Variants in TENM3 observed in about 807,000 individuals in gnomAD.
The protein encoded by TENM3 is teneurin transmembrane protein 3.
In TENM3, 63 loss-of-function variants were observed where a neutral mutation model predicts 255.1. That is an observed-to-expected ratio of 0.25 (90% CI 0.20 to 0.30). TENM3 has a LOEUF of 0.30. Among genes scored for constraint, TENM3 ranks in the 10% least tolerant of loss-of-function variants. The pLI, the probability that TENM3 is intolerant of heterozygous loss-of-function variation, is 1.00. For synonymous variants in TENM3, 1,306 were observed against 1,322.3 expected (o/e 0.99, Z 0.27); for missense variants, 2,929 against 3,461.1 (o/e 0.85, Z 3.86).
chr4:182,218,915 T>C (rs2149946521), intron 1 of TENM3, among the ~76,000 whole-genome samples: 2 of 152,330 alleles, frequency 1.3e-5, no homozygotes, highest in East Asian at 3.9e-4. Flanking sequence ...ATTAAATCCC[T>C]GGAGTTTCTT....
At chr4:182,286,209 G>A (rs1760719535) in intron 1 of TENM3, among the ~76,000 whole-genome samples, 1 of 152,220 alleles carries the variant, frequency 6.6e-6, no homozygotes, top group Non-Finnish European at 1.5e-5. Context: ...ACAACCTGGT[G>A]ATTCATGAAG....
the TENM3 span, among the ~76,000 whole-genome samples, chr4:181,591,063 C>A: frequency 6.6e-6 from 1 of 152,198 alleles, no homozygotes; most frequent in South Asian, 2.1e-4. Context: ...TCTTATGCAA[C>A]CTTTGGTTAA....
the TENM3 span, among the ~76,000 whole-genome samples, chr4:181,797,322 A>C: frequency 6.6e-6 from 1 of 152,068 alleles, no homozygotes; most frequent in African/African-American, 2.4e-5. Flanking sequence ...ATAATGGTGA[A>C]AGGGACACCT....
At chr4:182,161,588 A>AATATATATATACACATATATATATGT (rs1561152289) in intron 1 of TENM3, among the ~76,000 whole-genome samples, 5 of 123,076 alleles carry the variant, frequency 4.1e-5, no homozygotes, top group African/African-American at 1.6e-4. Context: ...GCTCAGTCCA[A>AATATATATATACACATATATATATGT]ATATATATAT....
chr4:181,477,445 T>C, the TENM3 span, among the ~76,000 whole-genome samples: 11 of 152,138 alleles, frequency 7.2e-5, no homozygotes, highest in African/African-American at 2.7e-4. Context: ...GGAATCAAAA[T>C]TGAATTAGAA....
the TENM3 span, among the ~76,000 whole-genome samples, chr4:181,511,095 G>A: frequency 2.6e-5 from 4 of 152,158 alleles, no homozygotes; most frequent in Admixed American, 2.0e-4. Context: ...AACCAGGGAT[G>A]CCACAGAGAT....
intron 3 of TENM3, among the ~76,000 whole-genome samples, chr4:182,566,138 T>G (rs1743769990): frequency 6.6e-6 from 1 of 152,224 alleles, no homozygotes; most frequent in African/African-American, 2.4e-5. Flanking sequence ...GCTAAGACAT[T>G]GCACGGCTTC....
rs1039211731 is a variant in TENM3 at position 182,654,559 on chromosome 4, C to T, written c.1111+666C>T. On this transcript the variant is annotated intron_variant, in intron 6 of 27. Coordinates refer to ENST00000511685, the MANE Select transcript of TENM3 (RefSeq NM_001080477.4). ...TGTGTACATGTCTTGGCCTTGGTAT[C>T]CTCTGACTTTTTGCAAAATATCATA... 3.8e-4 allele frequency among the ~76,000 whole-genome samples: 58 copies of T among 151,872 alleles called. 2 individuals are homozygous for T. The highest frequency in any genetic ancestry group is 1.5e-5 in the Non-Finnish European group (1 of 67,966).
intron 1 of TENM3, among the ~76,000 whole-genome samples, chr4:182,202,327 T>C (rs13146694): frequency 7.3e-6 from 1 of 136,076 alleles, no homozygotes; most frequent in Admixed American, 7.5e-5. Flanking sequence ...TTTTTTGAGA[T>C]GGAGTTTCAC....
the TENM3 span, among the ~76,000 whole-genome samples, chr4:181,692,160 A>G: frequency 1.3e-5 from 2 of 152,240 alleles, no homozygotes; most frequent in East Asian, 1.9e-4. Context: ...TGGAACCATT[A>G]TGTGCAAATT....
chr4:182,422,377 T>A (rs548264526), intron 3 of TENM3, among the ~76,000 whole-genome samples: 25 of 152,342 alleles, frequency 1.6e-4, no homozygotes, highest in African/African-American at 5.8e-4. Flanking sequence ...TGTTTTGACC[T>A]GTTGTCACAT....
chr4:182,207,269 C>T (rs1250170498), intron 1 of TENM3, among the ~76,000 whole-genome samples: 1 of 152,176 alleles, frequency 6.6e-6, no homozygotes, highest in Non-Finnish European at 1.5e-5. Context: ...GGGAGAATGT[C>T]CTCTAGTTGC....
intron 1 of TENM3, among the ~76,000 whole-genome samples, chr4:182,205,330 T>C (rs1296964402): frequency 6.6e-6 from 1 of 152,252 alleles, no homozygotes; most frequent in Non-Finnish European, 1.5e-5. Flanking sequence ...TAATAGAATC[T>C]GCGAACCTCA....
chr4:181,978,375 G>A, the TENM3 span, among the ~76,000 whole-genome samples: 3 of 152,110 alleles, frequency 2.0e-5, no homozygotes, highest in South Asian at 2.1e-4. Context: ...GGGGCTGGGC[G>A]TGGTGGCTCA....
At chr4:181,738,642 T>C in the TENM3 span, among the ~76,000 whole-genome samples, 1 of 152,152 alleles carries the variant, frequency 6.6e-6, no homozygotes. Context: ...CCTGTATTTT[T>C]AGATTAGTTT....
At chr4:181,774,957 T>C in the TENM3 span, among the ~76,000 whole-genome samples, 4 of 150,836 alleles carry the variant, frequency 2.7e-5, 1 homozygote, top group South Asian at 2.1e-4. Flanking sequence ...TTTTCTCCCA[T>C]GTTGTAGGTT....
chr4:181,718,217 T>C, the TENM3 span, among the ~76,000 whole-genome samples: 5 of 152,204 alleles, frequency 3.3e-5, no homozygotes, highest in African/African-American at 4.8e-5. Context: ...GCCAATCTTT[T>C]ATGAAATAAC....
upstream of TENM3, among the ~76,000 whole-genome samples, chr4:182,239,292 G>T (rs577933418): frequency 2.9e-3 from 438 of 152,072 alleles, 2 homozygotes; most frequent in Middle Eastern, 0.014. Flanking sequence ...TGGCCAGGCT[G>T]GTCTTGAATT....
At chr4:182,352,356 G>A (rs2150712081) in intron 3 of TENM3, among the ~76,000 whole-genome samples, 1 of 152,186 alleles carries the variant, frequency 6.6e-6, no homozygotes, top group African/African-American at 2.4e-5. Context: ...AAAGATTTTA[G>A]CATGCTCCTT....
Sources: allele counts gnomAD v4.1 joint callset (sites outside exome capture counted in the v4.1 genomes callset), GRCh38; gene constraint gnomAD v4.1.1; transcripts MANE v1.5; gene names NCBI Gene and HGNC (gene_info 2026-07-23, HGNC 2026-07-21).